SOX18: variants seen among roughly 807,000 people sequenced by gnomAD.
SOX18 encodes transcription factor SOX-18.
A neutral mutation model predicts 9.1 loss-of-function variants in SOX18; 2 were observed. The ratio of observed to expected loss-of-function variants is 0.22; its 90% confidence interval spans 0.09 to 0.69. The LOEUF (loss-of-function observed/expected upper bound fraction) is 0.69, where lower values mean the gene tolerates loss of function less well. Ranked by LOEUF, SOX18 falls within the 30% of genes least tolerant of loss-of-function variation. The pLI is 0.80. For missense variants in SOX18, 542 were observed against 567.3 expected (o/e 0.96, Z 0.45); for synonymous variants, 292 against 280.5 (o/e 1.04, Z -0.41).
At position 64,048,022 on chromosome 20, in the gene SOX18, G is replaced by A. The variant is rs1462468238; in HGVS notation, c.*144C>T. On this transcript the variant is annotated 3_prime_UTR_variant, in exon 2 of 2. Coordinates refer to ENST00000340356, the MANE Select transcript of SOX18 (RefSeq NM_018419.3). The stretch of plus-strand genomic sequence containing the variant: ...GCCTGGGAGGTGGAACGGGCGCAAG[G>A]CCGAGCATCACTGGCTCCTAGGGGG... 1 of 910,262 alleles carries A rather than the reference G, an allele frequency of 1.1e-6. No homozygotes were observed. Among genetic ancestry groups the A allele is most frequent in the Non-Finnish European group, 1.7e-6 (1 of 588,840 alleles). The allele number at this position is 910,262 out of a possible 1,614,324, so 56.4% of individuals were successfully genotyped here. A position where few individuals can be genotyped will look rare whatever the true frequency, so the allele number is the denominator to read the frequency against.
rs1338443029 is a variant in SOX18 at position 64,048,340 on chromosome 20, G to A, written c.981C>T (p.Phe327=). 1.1e-5 allele frequency: 17 copies of A among 1,589,166 alleles called. No homozygotes were observed. Among genetic ancestry groups the A allele is most frequent in the Non-Finnish European group, 3.4e-6 (4 of 1,169,732 alleles). ...DLWADVDLTE[F]DQYLNCSRTR... ...TCCGGCTGCAGTTGAGGTACTGGTC[G>A]AACTCGGTGAGGTCCACGTCGGCCC... is the stretch of plus-strand genomic sequence containing the variant. Residue 327 remains phenylalanine, a synonymous_variant, in exon 2 of 2, where the codon TTC becomes TTT. Coordinates refer to ENST00000340356, the MANE Select transcript of SOX18 (RefSeq NM_018419.3).
In SOX18 at chr20:64,048,446, G is replaced by C; in HGVS notation, c.875C>G (p.Pro292Arg). 2 of 1,353,434 alleles carry C rather than the reference G, an allele frequency of 1.5e-6. No homozygotes were observed. The highest frequency in any genetic ancestry group is 1.9e-5 in the South Asian group (1 of 53,516). 83.8% of individuals were successfully genotyped at this position (1,353,434 alleles called of 1,614,324 possible). A position where few individuals can be genotyped will look rare whatever the true frequency, so the allele number is the denominator to read the frequency against. Residue 292 changes from proline (P) to arginine (R), a missense_variant, in exon 2 of 2, where the codon CCG (proline) becomes CGG (arginine). Pro to Arg is a moderately radical substitution (Grantham distance 103, BLOSUM62 -2). Transcript: ENST00000340356. ...CGGCGGCGACAGCGGGCCGGGGTAC[G>C]GGCCGGGCGTGCCCAGGGTGCCGTA... is the stretch of plus-strand genomic sequence containing the variant. ...LYYGTLGTPG[P>R]YPGPLSPPPE...
Position 64,048,475 on chromosome 20 carries a change from C to T in SOX18, c.846G>A (p.Leu282=). Residue 282 remains leucine, a synonymous_variant, in exon 2 of 2, where the codon CTG becomes CTA. Coordinates refer to ENST00000340356, the MANE Select transcript of SOX18 (RefSeq NM_018419.3). ...TAPPAAPLAG[L]YYGTLGTPGP... ...CGGGCGTGCCCAGGGTGCCGTAGTA[C>T]AGGCCAGCGAGCGGCGCCGCGGGGG... 1.6e-6 allele frequency: 2 copies of T among 1,265,400 alleles called. No individual in the cohort carries two copies. Among genetic ancestry groups the T allele is most frequent in the Non-Finnish European group, 2.0e-6 (2 of 1,010,938 alleles). The allele number at this position is 1,265,400 out of a possible 1,614,324, so 78.4% of individuals were successfully genotyped here.
Position 64,048,297 on chromosome 20 carries a change from CG to C in SOX18, c.1023del (p.Leu343SerfsTer23). On this transcript the variant is annotated frameshift_variant, in exon 2 of 2. Transcript: ENST00000340356. LOFTEE classifies it high-confidence loss of function. ...GCCAGTGCCACGTGGTACGGGAGCCCGGGGGCGTCGGGCCGAGTCCGGCTGC... is the reference window on the plus strand; with the variant it reads ...GCCAGTGCCACGTGGTACGGGAGCCCGGGGCGTCGGGCCGAGTCCGGCTGC... ...LNCSRTRPDA[P>X]GLPYHVALAK... 3 of 1,592,808 alleles carry C rather than the reference CG, an allele frequency of 1.9e-6. No individual in the cohort carries two copies. The highest frequency in any genetic ancestry group is 1.3e-5 in the African/African-American group (1 of 74,614).
At position 64,048,236 on chromosome 20, in the gene SOX18, T is replaced by C. The variant is rs753739958; in HGVS notation, c.1085A>G (p.Glu362Gly). Residue 362 changes from glutamate (E) to glycine (G), a missense_variant, in exon 2 of 2, where the codon GAG (glutamate) becomes GGG (glycine). Transcript: ENST00000340356. Reference protein sequence around the residue: ...LGPRAMSCPEESSLISALSDA... With the variant: ...LGPRAMSCPEGSSLISALSDA... ...CGACAGCGCGGAGATCAGGCTGCTC[T>C]CCTCTGGGCAGGACATGGCGCGCGG... 1.9e-6 allele frequency: 3 copies of C among 1,590,640 alleles called. No homozygotes were observed. In the Admixed American group the frequency reaches 5.2e-5, roughly 28 times the overall value.
At position 64,048,830 on chromosome 20, in the gene SOX18, T is replaced by G. The variant is rs1357795573; in HGVS notation, c.491A>C (p.Lys164Thr). Residue 164 changes from lysine to threonine, a missense_variant, in exon 2 of 2, where the codon AAG becomes ACG. By Grantham distance (78) the Lys-to-Thr change is moderately conservative (BLOSUM62 -1). Transcript: ENST00000340356. ...GAGGCCGGGCTCCAGCCGCCGGGCC[T>G]TGCGCGCCTGCTTCTTGCGGCGCGG... ...YRPRRKKQARKARRLEPGLLL... is the reference protein window; with the variant it reads ...YRPRRKKQARTARRLEPGLLL... 2.5e-6 allele frequency: 4 copies of G among 1,573,102 alleles called. No individual in the cohort carries two copies. The highest frequency in any genetic ancestry group is 3.4e-6 in the Non-Finnish European group (4 of 1,167,096).
Position 64,048,341 on chromosome 20 carries a change from A to G in SOX18, c.980T>C (p.Phe327Ser), listed in dbSNP as rs1212857921. The G allele has an allele frequency of 1.9e-6, 3 of 1,589,566 alleles. No homozygotes were observed. Among genetic ancestry groups the G allele is most frequent in the Non-Finnish European group, 2.6e-6 (3 of 1,169,964 alleles). ...DLWADVDLTEFDQYLNCSRTR... is the reference protein window; with the variant it reads ...DLWADVDLTESDQYLNCSRTR... ...CCGGCTGCAGTTGAGGTACTGGTCG[A>G]ACTCGGTGAGGTCCACGTCGGCCCA... The change falls in exon 2 of 2, where the codon TTC (phenylalanine) becomes TCC (serine). Residue 327 changes from phenylalanine to serine, a missense_variant. Phe to Ser is a radical substitution (Grantham distance 155, BLOSUM62 -2). Transcript: ENST00000340356.
rs2059404354 is a variant in SOX18, at chr20:64,048,181, C to A, written c.1140G>T (p.Ala380=). Residue 380 remains alanine (A), a synonymous_variant, in exon 2 of 2, where the codon GCG becomes GCT. Transcript: ENST00000340356. ...SDASSAVYYS[A]CISG ...CGCCGGCGGCCTAGCCGGAGATGCA[C>A]GCGCTGTAATAGACCGCGCTGCTGG... is the stretch of plus-strand genomic sequence containing the variant. 2 of 1,555,810 alleles carry A rather than the reference C, an allele frequency of 1.3e-6. No homozygotes were observed. Among genetic ancestry groups the A allele is most frequent in the Non-Finnish European group, 1.7e-6 (2 of 1,154,258 alleles).
chr20:64,049,077 G>A lies in SOX18; in HGVS notation c.358+82C>T. The A allele has an allele frequency of 1.1e-5, 11 of 961,530 alleles. No homozygotes were observed. The South Asian group carries it at 1.6e-4, about 14-fold the overall frequency. The allele number at this position is 961,530 out of a possible 1,614,324, so 59.6% of individuals were successfully genotyped here. A position where few individuals can be genotyped will look rare whatever the true frequency, so the allele number is the denominator to read the frequency against. Reference sequence around the variant, plus strand: ...GCGCAGCCCCCGCACCCCGCGGCCCGGGACCCCTGCCCCCCCCGCCCCACC... The same window carrying A: ...GCGCAGCCCCCGCACCCCGCGGCCCAGGACCCCTGCCCCCCCCGCCCCACC... On this transcript the variant is annotated intron_variant, in intron 1 of 1. Coordinates refer to ENST00000340356, the MANE Select transcript of SOX18 (RefSeq NM_018419.3).
chr20:64,049,084 C>CAG, intron 1 of SOX18, 75 bp downstream of exon 1: 1 of 1,037,314 alleles, frequency 9.6e-7, no homozygotes, highest in Non-Finnish European at 1.2e-6. Context: ...CCCGGGACCC[C>CAG]TGCCCCCCCC....
Position 64,048,690 on chromosome 20 carries a change from C to G in SOX18, c.631G>C (p.Gly211Arg). The G allele has an allele frequency of 7.4e-7, 1 of 1,357,678 alleles. No homozygotes were observed. The highest frequency in any genetic ancestry group is 1.5e-5 in the African/African-American group (1 of 64,770). 84.1% of individuals were successfully genotyped at this position (1,357,678 alleles called of 1,614,324 possible). ...GGCGAGCGCTCGGGCGTGGGCAGCC[C>G]CAGGCCGTCGAACTCGGCGCCCAGC... ...PPLGAEFDGL[G>R]LPTPERSPLD... The change falls in exon 2 of 2, where the codon GGG becomes CGG. Residue 211 changes from glycine to arginine, a missense_variant. Physicochemically the swap from Gly to Arg is moderately radical, Grantham distance 125 (BLOSUM62 -2). Transcript: ENST00000340356.
rs1459111550 is a variant in SOX18 at position 64,048,641 on chromosome 20, T to C, written c.680A>G (p.Glu227Gly). The part of the protein sequence containing the change: ...RSPLDGLEPG[E>G]AAFFPPPAAP... ...CGCGGGCGGTGGGAAGAAGGCAGCC[T>C]CGCCGGGCTCCAGGCCGTCCAGAGG... Residue 227 changes from glutamate (E) to glycine (G), a missense_variant, in exon 2 of 2, where the codon GAG (glutamate) becomes GGG (glycine). Coordinates refer to ENST00000340356, the MANE Select transcript of SOX18 (RefSeq NM_018419.3). 56 of 1,264,902 alleles carry C rather than the reference T, an allele frequency of 4.4e-5. No individual in the cohort carries two copies. The highest frequency in any genetic ancestry group is 5.3e-5 in the Non-Finnish European group (54 of 1,009,366). 78.4% of individuals were successfully genotyped at this position (1,264,902 alleles called of 1,614,324 possible). A position where few individuals can be genotyped will look rare whatever the true frequency, so the allele number is the denominator to read the frequency against.
In SOX18 at chr20:64,048,874, G is replaced by A. The variant is rs540807285; in HGVS notation, c.447C>T (p.His149=). 4.4e-6 allele frequency: 7 copies of A among 1,594,618 alleles called. No homozygotes were observed. In the South Asian group the frequency reaches 6.7e-5, roughly 15 times the overall value. ...GGCGCGGCCGGTACTTGTAGTTGGG[G>A]TGGTCGCGCAAGTGCTGCACGCGCA... ...ERLRVQHLRD[H]PNYKYRPRRK... Residue 149 remains histidine (H), a synonymous_variant, in exon 2 of 2, where the codon CAC becomes CAT. Coordinates refer to ENST00000340356, the MANE Select transcript of SOX18 (RefSeq NM_018419.3).
In SOX18 at chr20:64,048,346, G is replaced by C; in HGVS notation, c.975C>G (p.Thr325=). ...AADLWADVDL[T]EFDQYLNCSR... is the part of the protein sequence containing the mutation. Reference sequence around the variant, plus strand: ...TGCAGTTGAGGTACTGGTCGAACTCGGTGAGGTCCACGTCGGCCCACAGAT... The same window carrying C: ...TGCAGTTGAGGTACTGGTCGAACTCCGTGAGGTCCACGTCGGCCCACAGAT... Residue 325 remains threonine (T), a synonymous_variant, in exon 2 of 2, where the codon ACC becomes ACG. Coordinates refer to ENST00000340356, the MANE Select transcript of SOX18 (RefSeq NM_018419.3). 1 of 1,589,060 alleles carries C rather than the reference G, an allele frequency of 6.3e-7. No homozygotes were observed. The highest frequency in any genetic ancestry group is 8.5e-7 in the Non-Finnish European group (1 of 1,169,666).
In SOX18 at chr20:64,048,582, C is replaced by G. The variant is rs1407331992; in HGVS notation, c.739G>C (p.Ala247Pro). The change falls in exon 2 of 2, where the codon GCG (alanine) becomes CCG (proline). Residue 247 changes from alanine (A) to proline (P), a missense_variant. By Grantham distance (27) the Ala-to-Pro change is conservative. Transcript: ENST00000340356. ...PEDCALRPFR[A>P]PYAPTELSRD... ...GACAACTCGGTGGGCGCGTAGGGCG[C>G]GCGGAAGGGCCGCAGCGCGCAGTCC... is the stretch of plus-strand genomic sequence containing the variant. 4 of 1,229,906 alleles carry G rather than the reference C, an allele frequency of 3.3e-6. No individual in the cohort carries two copies. Among genetic ancestry groups the G allele is most frequent in the Non-Finnish European group, 4.0e-6 (4 of 988,376 alleles). The allele number at this position is 1,229,906 out of a possible 1,614,324, so 76.2% of individuals were successfully genotyped here.
rs1332003756 is a variant in SOX18, at chr20:64,048,297, C to T, written c.1024G>A (p.Gly342Arg). 2 of 1,592,814 alleles carry T rather than the reference C, an allele frequency of 1.3e-6. No individual in the cohort carries two copies. The highest frequency in any genetic ancestry group is 1.7e-5 in the Admixed American group (1 of 57,600). The change falls in exon 2 of 2, where the codon GGG becomes AGG. Residue 342 changes from glycine to arginine, a missense_variant. By Grantham distance (125) the Gly-to-Arg change is moderately radical. Transcript: ENST00000340356. ...GCCAGTGCCACGTGGTACGGGAGCC[C>T]GGGGGCGTCGGGCCGAGTCCGGCTG... ...NCSRTRPDAPGLPYHVALAKL... is the reference protein window; with the variant it reads ...NCSRTRPDAPRLPYHVALAKL...
Position 64,048,795 on chromosome 20 carries a change from C to T in SOX18, c.526G>A (p.Gly176Arg). Residue 176 changes from glycine (G) to arginine (R), a missense_variant, in exon 2 of 2, where the codon GGA (glycine) becomes AGA (arginine). By Grantham distance (125) the Gly-to-Arg change is moderately radical (BLOSUM62 -2). Transcript: ENST00000340356. ...RRLEPGLLLP[G>R]LAPPQPPPEP... ...GGCGGTGGCTGCGGGGGCGCTAATC[C>T]CGGGAGCAGGAGGCCGGGCTCCAGC... is the stretch of plus-strand genomic sequence containing the variant. The T allele has an allele frequency of 6.5e-7, 1 of 1,528,812 alleles. No individual in the cohort carries two copies. Among genetic ancestry groups the T allele is most frequent in the Non-Finnish European group, 8.7e-7 (1 of 1,145,808 alleles). The allele number at this position is 1,528,812 out of a possible 1,614,324, so 94.7% of individuals were successfully genotyped here. A position where few individuals can be genotyped will look rare whatever the true frequency, so the allele number is the denominator to read the frequency against.
rs2059407809 is a variant in SOX18, at chr20:64,048,469, G to A, written c.852C>T (p.Tyr284=). The A allele has an allele frequency of 7.7e-7, 1 of 1,298,976 alleles. No homozygotes were observed. The highest frequency in any genetic ancestry group is 4.3e-5 in the Admixed American group (1 of 23,420). The allele number at this position is 1,298,976 out of a possible 1,614,324, so 80.5% of individuals were successfully genotyped here. Residue 284 remains tyrosine (Y), a synonymous_variant, in exon 2 of 2, where the codon TAC becomes TAT. Transcript: ENST00000340356. ...PPAAPLAGLY[Y]GTLGTPGPYP... ...ACGGGCCGGGCGTGCCCAGGGTGCC[G>A]TAGTACAGGCCAGCGAGCGGCGCCG...
rs1211185597 is a variant in SOX18, at chr20:64,049,087, C to CT, written c.358+71_358+72insA. 2.9e-4 allele frequency: 104 copies of CT among 360,666 alleles called. No homozygotes were observed. In the African/African-American group the frequency reaches 6.9e-3, roughly 24 times the overall value. 22.3% of individuals were successfully genotyped at this position (360,666 alleles called of 1,614,324 possible). ...CGCACCCCGCGGCCCGGGACCCCTG[C>CT]CCCCCCCGCCCCACCCCGGCCCGAG... On this transcript the variant is annotated intron_variant, in intron 1 of 1. Coordinates refer to ENST00000340356, the MANE Select transcript of SOX18 (RefSeq NM_018419.3).
Sources: gnomAD v4.1 joint callset for allele counts on GRCh38, gnomAD v4.1.1 for gene constraint, MANE v1.5 for transcripts, NCBI Gene and HGNC (gene_info 2026-07-23, HGNC 2026-07-21) for gene names.